DLG2: variants seen among roughly 807,000 people sequenced by gnomAD.
DLG2 encodes disks large homolog 2.
A neutral mutation model predicts 132.5 loss-of-function variants in DLG2; 45 were observed. The ratio of observed to expected loss-of-function variants is 0.34; its 90% confidence interval spans 0.27 to 0.44. The LOEUF (loss-of-function observed/expected upper bound fraction) is 0.44, where lower values mean the gene tolerates loss of function less well. Ranked by LOEUF, DLG2 falls within the 20% of genes least tolerant of loss-of-function variation. DLG2 has a pLI of 1.00. For synonymous variants in DLG2, 424 were observed against 419.6 expected (o/e 1.01, Z -0.13); for missense variants, 1,045 against 1,196.9 (o/e 0.87, Z 1.87).
chr11:84,738,490 C>T (rs1282397789), intron 6 of DLG2, among the ~76,000 whole-genome samples: 1 of 152,102 alleles, frequency 6.6e-6, no homozygotes, highest in Non-Finnish European at 1.5e-5. Context: ...ACTAGGTATT[C>T]TGTTTCATTC....
chr11:85,143,061 C>T (rs1195806926), intron 5 of DLG2, among the ~76,000 whole-genome samples: 1 of 151,664 alleles, frequency 6.6e-6, no homozygotes, highest in Non-Finnish European at 1.5e-5. Flanking sequence ...GTAATACTAG[C>T]CTCATGAAAT....
intron 18 of DLG2, among the ~76,000 whole-genome samples, chr11:83,655,453 G>T (rs891748491): frequency 6.6e-6 from 1 of 152,148 alleles, no homozygotes; most frequent in Non-Finnish European, 1.5e-5. Flanking sequence ...TTCAGGGAGA[G>T]CACTTGTCAG....
chr11:84,089,164 C>T (rs527341506), intron 10 of DLG2, among the ~76,000 whole-genome samples: 27 of 152,170 alleles, frequency 1.8e-4, no homozygotes, highest in Admixed American at 1.6e-3. Context: ...ATTTCCACTT[C>T]CTAGAAATCT....
intron 8 of DLG2, among the ~76,000 whole-genome samples, chr11:84,185,463 G>A (rs945498605): frequency 1.6e-4 from 24 of 152,264 alleles, no homozygotes; most frequent in Admixed American, 5.2e-4. Context: ...AGCTTAAGGA[G>A]ATTTTGGGCT....
chr11:84,386,681 A>T (rs1385145505), intron 7 of DLG2, among the ~76,000 whole-genome samples: 4 of 152,106 alleles, frequency 2.6e-5, no homozygotes, highest in South Asian at 2.1e-4. Flanking sequence ...TAATATGTTG[A>T]TGCATTTTTT....
chr11:83,493,164 T>C (rs2093955040), intron 21 of DLG2, among the ~76,000 whole-genome samples: 1 of 152,104 alleles, frequency 6.6e-6, no homozygotes, highest in East Asian at 1.9e-4. Flanking sequence ...ATTCAGGGAC[T>C]TTGCTCTTGC....
chr11:85,255,770 G>A (rs2152704813), intron 4 of DLG2, among the ~76,000 whole-genome samples: 1 of 151,984 alleles, frequency 6.6e-6, no homozygotes, highest in Middle Eastern at 3.4e-3. Flanking sequence ...GCTGGAAGAA[G>A]GAAGGAAAGC....
intron 18 of DLG2, among the ~76,000 whole-genome samples, chr11:83,752,251 G>A (rs1297257812): frequency 6.6e-6 from 1 of 150,384 alleles, no homozygotes; most frequent in Admixed American, 6.6e-5. Context: ...CTGGTTGACA[G>A]AGCGAGACTC....
At chr11:85,140,248 T>C (rs2076379419) in intron 5 of DLG2, among the ~76,000 whole-genome samples, 1 of 151,962 alleles carries the variant, frequency 6.6e-6, no homozygotes, top group Non-Finnish European at 1.5e-5. Context: ...CTGTTTTCCA[T>C]AATGGCTGTA....
At position 84,414,537 on chromosome 11, in the gene DLG2, T is replaced by C. The variant is rs2098922137; in HGVS notation, c.519+120033A>G. 2.0e-5 allele frequency among the ~76,000 whole-genome samples: 3 copies of C among 152,200 alleles called. 1 individual carries two copies. The South Asian group carries it at 6.2e-4, about 32-fold the overall frequency. The stretch of plus-strand genomic sequence containing the variant: ...ATTCCGGTTTGTTTTGAAATGGGTA[T>C]TATATTCGGACTGAACGTTTTCCTC... On this transcript the variant is annotated intron_variant, in intron 7 of 27. Transcript: ENST00000376104.
At chr11:84,967,279 T>G (rs2053478561) in intron 6 of DLG2, among the ~76,000 whole-genome samples, 1 of 152,084 alleles carries the variant, frequency 6.6e-6, no homozygotes, top group South Asian at 2.1e-4. Flanking sequence ...ATTGGAAAGG[T>G]CATTTCATAA....
At chr11:84,613,863 C>A (rs761645184) in intron 6 of DLG2, among the ~76,000 whole-genome samples, 1 of 152,110 alleles carries the variant, frequency 6.6e-6, no homozygotes, top group African/African-American at 2.4e-5. Context: ...AAAGTACATT[C>A]TTAGGTTGAA....
chr11:85,285,811 G>C (rs2078517252), intron 3 of DLG2, among the ~76,000 whole-genome samples: 1 of 151,982 alleles, frequency 6.6e-6, no homozygotes. Flanking sequence ...ATGTTTGCCA[G>C]AGGTTCTGAG....
chr11:84,174,063 G>A (rs2095887367), intron 8 of DLG2, among the ~76,000 whole-genome samples: 1 of 112,668 alleles, frequency 8.9e-6, no homozygotes, highest in African/African-American at 3.5e-5. Flanking sequence ...GTACTGCCCT[G>A]GTCTCAATAC....
intron 5 of DLG2, among the ~76,000 whole-genome samples, chr11:85,136,162 T>C (rs183277801): frequency 6.6e-6 from 1 of 152,362 alleles, no homozygotes; most frequent in East Asian, 1.9e-4. Context: ...AAACTGAATA[T>C]GCAATCTTTA....
chr11:85,028,311 G>C (rs190752156), intron 6 of DLG2, among the ~76,000 whole-genome samples: 2 of 152,264 alleles, frequency 1.3e-5, no homozygotes, highest in Admixed American at 1.3e-4. Context: ...GCCAAGAGTA[G>C]GTCGGGAAAA....
rs1466984877 is a variant in DLG2, at chr11:84,317,291, C to CGTGGGAGCA, written c.520-66009_520-66001dup. ...TTGACAGCTGCTATAAGCAGTGCATCGTGGGAGCAGTGGGAGCAGCGACAG... is the reference window on the plus strand; with the variant it reads ...TTGACAGCTGCTATAAGCAGTGCATCGTGGGAGCAGTGGGAGCAGTGGGAGCAGCGACAG... On this transcript the variant is annotated intron_variant, in intron 7 of 27. Transcript: ENST00000376104. The CGTGGGAGCA allele has an allele frequency of 7.8e-5, 114 of 1,453,738 alleles. No individual in the cohort carries two copies. The East Asian group carries it at 2.6e-3, about 33-fold the overall frequency. The allele number at this position is 1,453,738 out of a possible 1,614,324, so 90.1% of individuals were successfully genotyped here. A position where few individuals can be genotyped will look rare whatever the true frequency, so the allele number is the denominator to read the frequency against.
At chr11:85,351,581 T>G (rs2083291735) in intron 3 of DLG2, among the ~76,000 whole-genome samples, 1 of 152,210 alleles carries the variant, frequency 6.6e-6, no homozygotes, top group South Asian at 2.1e-4. Flanking sequence ...TTGAGATACG[T>G]TCCATCAGTA....
At chr11:85,492,820 A>G (rs1210685345) in intron 3 of DLG2, among the ~76,000 whole-genome samples, 1 of 152,152 alleles carries the variant, frequency 6.6e-6, no homozygotes. Context: ...CTGAGGTATA[A>G]TGAGTAGCTC....
Sources: gnomAD v4.1 joint callset for allele counts (sites outside exome capture counted in the v4.1 genomes callset) on GRCh38, gnomAD v4.1.1 for gene constraint, MANE v1.5 for transcripts, NCBI Gene and HGNC (gene_info 2026-07-23, HGNC 2026-07-21) for gene names.